Variants in ERC2 observed in about 807,000 individuals in gnomAD.
ERC2 encodes the protein ERC protein 2.
ERC2 carries 42 observed loss-of-function variants against 114.8 expected under a neutral mutation model. The ratio of observed to expected loss-of-function variants is 0.37; its 90% confidence interval spans 0.29 to 0.47. ERC2 has a LOEUF of 0.47. ERC2 is among the 20% of genes least tolerant of loss of function. ERC2 has a pLI of 0.99. For synonymous variants in ERC2, 454 were observed against 425.5 expected (o/e 1.07, Z -0.82); for missense variants, 939 against 1,150.7 (o/e 0.82, Z 2.66).
intron 2 of ERC2, among the ~76,000 whole-genome samples, chr3:56,347,865 T>C (rs2058368087): frequency 6.6e-6 from 1 of 152,222 alleles, no homozygotes; most frequent in Non-Finnish European, 1.5e-5. Flanking sequence ...TACTGCCTTC[T>C]CAGTTCTCTA....
intron 15 of ERC2, 138 bp downstream of exon 15, chr3:55,734,633 G>A: frequency 7.5e-6 from 7 of 939,002 alleles, no homozygotes; most frequent in Non-Finnish European, 1.1e-5. Context: ...CGACAACTGG[G>A]TCCATTGCAC....
intron 12 of ERC2, among the ~76,000 whole-genome samples, chr3:55,966,927 C>T (rs2068791430): frequency 6.6e-6 from 1 of 152,162 alleles, no homozygotes. Flanking sequence ...CACATGCATA[C>T]ATATATATTT....
At chr3:55,643,323 C>A (rs2060263966) in intron 17 of ERC2, among the ~76,000 whole-genome samples, 1 of 152,086 alleles carries the variant, frequency 6.6e-6, no homozygotes, top group African/African-American at 2.4e-5. Flanking sequence ...AAATCTTATT[C>A]TGCCTTGAGG....
At chr3:55,569,917 G>A (rs900745910) in intron 17 of ERC2, among the ~76,000 whole-genome samples, 6 of 149,162 alleles carry the variant, frequency 4.0e-5, no homozygotes, top group African/African-American at 1.5e-4. Flanking sequence ...GAGTGCAGTG[G>A]TGCAATCTCA....
intron 2 of ERC2, among the ~76,000 whole-genome samples, chr3:56,356,881 T>C (rs901983187): frequency 1.3e-5 from 2 of 152,180 alleles, no homozygotes; most frequent in African/African-American, 4.8e-5. Context: ...ACCCCCACTT[T>C]ATTGATGAGC....
intron 9 of ERC2, among the ~76,000 whole-genome samples, chr3:56,009,831 A>G (rs980521591): frequency 2.6e-5 from 4 of 152,222 alleles, no homozygotes; most frequent in Non-Finnish European, 5.9e-5. Flanking sequence ...TCTTCAAAGT[A>G]TAAGATTTTA....
intron 16 of ERC2, among the ~76,000 whole-genome samples, chr3:55,694,331 C>A (rs977990808): frequency 6.6e-6 from 1 of 152,100 alleles, no homozygotes. Context: ...ACTATGGGAG[C>A]AGTTCATTCA....
At position 55,891,508 on chromosome 3, in the gene ERC2, G is replaced by A. The variant is rs961668152; in HGVS notation, c.2404-2959C>T. 6.2e-5 allele frequency among the ~76,000 whole-genome samples: 9 copies of A among 144,546 alleles called. No homozygotes were observed. In the East Asian group the frequency reaches 1.7e-3, roughly 27 times the overall value. The allele number at this position is 144,546 out of a possible 152,430, so 94.8% of individuals were successfully genotyped here. A position where few individuals can be genotyped will look rare whatever the true frequency, so the allele number is the denominator to read the frequency against. ...TGTCACCAGGCTAAAGTGCAGTGGCGTGATCTTGGCTCACTGCAATCTCTG... is the reference window on the plus strand; with the variant it reads ...TGTCACCAGGCTAAAGTGCAGTGGCATGATCTTGGCTCACTGCAATCTCTG... On this transcript the variant is annotated intron_variant, in intron 13 of 17. Transcript: ENST00000288221.
In ERC2 at chr3:56,152,471, G is replaced by C. The variant is rs150265424; in HGVS notation, c.1150-3339C>G. Among the ~76,000 whole-genome samples, 529 of 152,134 alleles carry C rather than the reference G, an allele frequency of 3.5e-3. 5 individuals carry two copies. Among genetic ancestry groups the C allele is most frequent in the Admixed American group, 6.8e-3 (103 of 15,250 alleles). ...GCCTGCCAGCTTCTGTCACTCAAAAGTGGTTTACTGAGCTCCTGTTCTAAG... is the reference window on the plus strand; with the variant it reads ...GCCTGCCAGCTTCTGTCACTCAAAACTGGTTTACTGAGCTCCTGTTCTAAG... On this transcript the variant is annotated intron_variant, in intron 4 of 17. Coordinates refer to ENST00000288221, the MANE Select transcript of ERC2 (RefSeq NM_015576.3).
intron 7 of ERC2, among the ~76,000 whole-genome samples, chr3:56,038,967 T>C (rs2074974231): frequency 1.3e-5 from 2 of 152,042 alleles, no homozygotes; most frequent in South Asian, 2.1e-4. Flanking sequence ...TCAGGAAAAA[T>C]AGCTAATGTG....
rs367926722 is a variant in ERC2, at chr3:55,636,261, AG to A, written c.*39+47532del. Among the ~76,000 whole-genome samples, 545 of 152,358 alleles carry A rather than the reference AG, an allele frequency of 3.6e-3. 2 individuals carry two copies. Among genetic ancestry groups the A allele is most frequent in the African/African-American group, 0.012 (512 of 41,582 alleles). Reference sequence around the variant, plus strand: ...TAATCCATATTCACAGGGCAGAATAAGGACAAACATGGAACACACTGTCAAA... The same window carrying A: ...TAATCCATATTCACAGGGCAGAATAAGACAAACATGGAACACACTGTCAAA... On this transcript the variant is annotated intron_variant, in intron 17 of 17. Coordinates refer to ENST00000288221, the MANE Select transcript of ERC2 (RefSeq NM_015576.3).
At chr3:56,457,549 A>G (rs542041253) in intron 1 of ERC2, among the ~76,000 whole-genome samples, 1 of 152,100 alleles carries the variant, frequency 6.6e-6, no homozygotes, top group African/African-American at 2.4e-5. Flanking sequence ...GAGAATTCAG[A>G]GTCCTTGATC....
chr3:55,645,284 A>G (rs538651433), intron 17 of ERC2, among the ~76,000 whole-genome samples: 1 of 152,328 alleles, frequency 6.6e-6, no homozygotes, highest in African/African-American at 2.4e-5. Context: ...GTGTGAGGGC[A>G]CCACGTGACC....
chr3:56,314,032 T>G (rs2056746805), intron 2 of ERC2, among the ~76,000 whole-genome samples: 1 of 152,190 alleles, frequency 6.6e-6, no homozygotes, highest in African/African-American at 2.4e-5. Flanking sequence ...CATGCAGTAT[T>G]CGGTTTTCTG....
At chr3:56,450,842 A>G (rs1422971053) in intron 1 of ERC2, among the ~76,000 whole-genome samples, 1 of 152,210 alleles carries the variant, frequency 6.6e-6, no homozygotes, top group East Asian at 1.9e-4. Context: ...AAAAAAATAA[A>G]TAAATTTTAA....
intron 17 of ERC2, among the ~76,000 whole-genome samples, chr3:55,669,118 G>A (rs2061463151): frequency 6.6e-6 from 1 of 152,152 alleles, no homozygotes; most frequent in African/African-American, 2.4e-5. Flanking sequence ...TTTGGCCTTG[G>A]TTGTTGGCAT....
intron 5 of ERC2, among the ~76,000 whole-genome samples, chr3:56,142,518 T>C (rs1241785436): frequency 2.6e-5 from 4 of 152,146 alleles, no homozygotes; most frequent in Admixed American, 2.6e-4. Context: ...TTCCTAACTT[T>C]TTAAGTTGGA....
intron 5 of ERC2, among the ~76,000 whole-genome samples, chr3:56,147,290 G>A (rs2081190288): frequency 6.6e-6 from 1 of 152,132 alleles, no homozygotes; most frequent in East Asian, 1.9e-4. Context: ...GGACTGCGCA[G>A]GGAAACTTAT....
At chr3:55,740,092 T>A (rs1033631357) in intron 14 of ERC2, among the ~76,000 whole-genome samples, 1 of 152,102 alleles carries the variant, frequency 6.6e-6, no homozygotes, top group African/African-American at 2.4e-5. Context: ...TATCCTCTCA[T>A]AATACCATAA....
Sources: allele counts gnomAD v4.1 joint callset (sites outside exome capture counted in the v4.1 genomes callset), GRCh38; gene constraint gnomAD v4.1.1; transcripts MANE v1.5; gene names NCBI Gene and HGNC (gene_info 2026-07-23, HGNC 2026-07-21).